Variants in SLC14A2 observed in about 807,000 individuals in gnomAD.
SLC14A2 encodes the protein solute carrier family 14 member 2.
A neutral mutation model predicts 104.6 loss-of-function variants in SLC14A2; 91 were observed. That is an observed-to-expected ratio of 0.87 (90% CI 0.73 to 1.04). SLC14A2 has a LOEUF of 1.04. Among genes scored for constraint, SLC14A2 ranks in the 50% least tolerant of loss-of-function variants. SLC14A2 has a pLI of 0.00. For synonymous variants in SLC14A2, 476 were observed against 466.4 expected (o/e 1.02, Z -0.27); for missense variants, 1,189 against 1,156.0 (o/e 1.03, Z -0.41).
intron 1 of SLC14A2, among the ~76,000 whole-genome samples, chr18:45,327,115 C>A (rs2085243149): frequency 6.6e-6 from 1 of 152,058 alleles, no homozygotes; most frequent in Admixed American, 6.6e-5. Flanking sequence ...TGGAGAGTTA[C>A]CTAGCTCTCC....
Position 45,311,465 on chromosome 18 carries a change from A to G in SLC14A2, c.-125+98274A>G, listed in dbSNP as rs188507470. The stretch of plus-strand genomic sequence containing the variant: ...TCTCAGTTTTCCCATGGCAGAGCCA[A>G]TCTTTGGACCAAGGCAGGGTAACTA... On this transcript the variant is annotated intron_variant, in intron 1 of 20. Transcript: ENST00000586448. Among the ~76,000 whole-genome samples, 204 of 152,316 alleles carry G rather than the reference A, an allele frequency of 1.3e-3. 3 individuals carry two copies. Among genetic ancestry groups the G allele is most frequent in the Admixed American group, 0.012 (188 of 15,296 alleles).
At chr18:45,331,769 A>G (rs2085293656) in intron 1 of SLC14A2, among the ~76,000 whole-genome samples, 1 of 152,238 alleles carries the variant, frequency 6.6e-6, no homozygotes, top group South Asian at 2.1e-4. Context: ...CATTACTTGA[A>G]TGATCCTTAA....
At chr18:45,399,917 G>A (rs1748108945) in intron 1 of SLC14A2, among the ~76,000 whole-genome samples, 1 of 152,062 alleles carries the variant, frequency 6.6e-6, no homozygotes, top group South Asian at 2.1e-4. Context: ...ACACTTGGCT[G>A]TGGCCCCAAA....
intron 1 of SLC14A2, among the ~76,000 whole-genome samples, chr18:45,310,011 T>C (rs1345536088): frequency 1.3e-5 from 2 of 152,180 alleles, no homozygotes; most frequent in African/African-American, 4.8e-5. Flanking sequence ...AGATTGGTTT[T>C]GAGATTCATC....
rs143531674 is a variant in SLC14A2, at chr18:45,446,928, C to T, written c.-124-36305C>T. Among the ~76,000 whole-genome samples the T allele has an allele frequency of 8.2e-3, 1,247 of 152,278 alleles. 11 individuals are homozygous for T. Among genetic ancestry groups the T allele is most frequent in the Non-Finnish European group, 8.0e-3 (547 of 68,024 alleles). On this transcript the variant is annotated intron_variant, in intron 1 of 20. Coordinates refer to the SLC14A2 transcript ENST00000586448. ...GGCTTCCTATCTCCTTCCCTCTCCC[C>T]CTCCCCACCCTGCTTCTCATCCCCA... is the stretch of plus-strand genomic sequence containing the variant.
chr18:45,637,311 AG>A, intron 6 of SLC14A2, 129 bp downstream of exon 6: 1 of 689,138 alleles, frequency 1.5e-6, no homozygotes, highest in Non-Finnish European at 2.4e-6. Context: ...GGGCCTCAGC[AG>A]GGTATCAGAA....
At chr18:45,502,257 A>G (rs2043210200) in intron 2 of SLC14A2, among the ~76,000 whole-genome samples, 1 of 152,202 alleles carries the variant, frequency 6.6e-6, no homozygotes, top group Non-Finnish European at 1.5e-5. Context: ...TCTTGGGGGG[A>G]AATCTTTGAG....
At chr18:45,444,855 A>T (rs2086738733) in intron 1 of SLC14A2, among the ~76,000 whole-genome samples, 1 of 152,208 alleles carries the variant, frequency 6.6e-6, no homozygotes, top group African/African-American at 2.4e-5. Context: ...CTCTACCAAC[A>T]TCAAAGTCAT....
chr18:45,595,779 TC>T (rs2044711983), intron 2 of SLC14A2, among the ~76,000 whole-genome samples: 1 of 152,138 alleles, frequency 6.6e-6, no homozygotes, highest in African/African-American at 2.4e-5. Context: ...GCCTTTGACC[TC>T]TTCCCTGCTC....
chr18:45,576,690 T>C (rs984545516), intron 2 of SLC14A2, among the ~76,000 whole-genome samples: 10 of 152,114 alleles, frequency 6.6e-5, no homozygotes, highest in Non-Finnish European at 1.5e-4. Context: ...ATGTGGTCCT[T>C]CCAGCCTGGC....
chr18:45,173,070 C>T, the SLC14A2 span, among the ~76,000 whole-genome samples: 1 of 152,094 alleles, frequency 6.6e-6, no homozygotes, highest in Non-Finnish European at 1.5e-5. Context: ...TCACATACTA[C>T]CATTATTAAG....
chr18:45,417,459 C>T (rs1464617602), intron 1 of SLC14A2, among the ~76,000 whole-genome samples: 1 of 152,138 alleles, frequency 6.6e-6, no homozygotes, highest in Non-Finnish European at 1.5e-5. Context: ...ACAATCGTGG[C>T]AGAAGAGGAA....
chr18:45,521,635 G>T (rs2043518292), intron 2 of SLC14A2, among the ~76,000 whole-genome samples: 2 of 151,916 alleles, frequency 1.3e-5, no homozygotes, highest in Non-Finnish European at 2.9e-5. Flanking sequence ...CGAGGAAACA[G>T]ATTTACATAT....
chr18:45,407,695 A>G (rs773173821), intron 1 of SLC14A2, among the ~76,000 whole-genome samples: 13 of 152,190 alleles, frequency 8.5e-5, no homozygotes, highest in Non-Finnish European at 1.8e-4. Flanking sequence ...AGGCCATTGT[A>G]GGGTCCTTAA....
upstream of SLC14A2, chr18:45,615,127 G>A (rs1451737667): frequency 2.0e-5 from 3 of 152,208 alleles, no homozygotes; most frequent in South Asian, 4.1e-4. Context: ...GCTCATAGGT[G>A]GAAGGGACTT....
At chr18:45,190,776 A>G in the SLC14A2 span, among the ~76,000 whole-genome samples, 27 of 152,328 alleles carry the variant, frequency 1.8e-4, no homozygotes, top group African/African-American at 6.3e-4. Flanking sequence ...TTGATCAACC[A>G]AAAATGAAGG....
At chr18:45,406,131 C>T (rs1261076796) in intron 1 of SLC14A2, among the ~76,000 whole-genome samples, 1 of 149,520 alleles carries the variant, frequency 6.7e-6, no homozygotes, top group Non-Finnish European at 1.5e-5. Context: ...CACAGTAGAA[C>T]TTCTTTCAAA....
intron 2 of SLC14A2, among the ~76,000 whole-genome samples, chr18:45,524,070 T>C (rs2043555970): frequency 3.3e-5 from 5 of 152,370 alleles, no homozygotes; most frequent in Admixed American, 3.3e-4. Flanking sequence ...AATACCTGTC[T>C]TTCCTGGCTA....
chr18:45,296,030 T>G (rs1283158167), intron 1 of SLC14A2, among the ~76,000 whole-genome samples: 2 of 152,308 alleles, frequency 1.3e-5, no homozygotes, highest in East Asian at 3.9e-4. Flanking sequence ...ATTTTTACTC[T>G]TACTATTTCT....
Sources: gnomAD v4.1 joint callset for allele counts (sites outside exome capture counted in the v4.1 genomes callset) on GRCh38, gnomAD v4.1.1 for gene constraint, MANE v1.5 for transcripts, NCBI Gene and HGNC (gene_info 2026-07-23, HGNC 2026-07-21) for gene names.